Variants in R3HDM2 observed in about 807,000 individuals in gnomAD.
R3HDM2 encodes R3H domain containing 2, also known as R3H domain-containing protein 2.
Under a neutral mutation model 124.5 loss-of-function variants are expected in R3HDM2, and 38 were observed. The ratio of observed to expected loss-of-function variants is 0.31; its 90% CI spans 0.24 to 0.40. The LOEUF (loss-of-function observed/expected upper bound fraction) is 0.40. Ranked by LOEUF, R3HDM2 falls within the 10% of genes least tolerant of loss-of-function variation. R3HDM2 has a pLI of 1.00. For synonymous variants in R3HDM2, 391 were observed against 448.0 expected (o/e 0.87, Z 1.61); for missense variants, 869 against 1,236.9 (o/e 0.70, Z 4.46).
intron 2 of R3HDM2, among the ~76,000 whole-genome samples, chr12:57,388,649 C>T (rs1218506018): frequency 6.6e-6 from 1 of 152,078 alleles, no homozygotes; most frequent in African/African-American, 2.4e-5. Context: ...GAGTTATTTG[C>T]GCAGGAGGGC....
At chr12:57,423,560 C>T (rs1312205194) in intron 1 of R3HDM2, among the ~76,000 whole-genome samples, 22 of 151,922 alleles carry the variant, frequency 1.4e-4, no homozygotes, top group Admixed American at 1.4e-3. Flanking sequence ...TGCCTCATGC[C>T]CAGCACTTTG....
At chr12:57,359,042 C>T (rs1046346271) in intron 2 of R3HDM2, among the ~76,000 whole-genome samples, 1 of 151,990 alleles carries the variant, frequency 6.6e-6, no homozygotes, top group Non-Finnish European at 1.5e-5. Flanking sequence ...CTCAGCCTCC[C>T]GAGTAGCTGG....
intron 13 of R3HDM2, among the ~76,000 whole-genome samples, chr12:57,281,566 A>C (rs2046145976): frequency 6.6e-6 from 1 of 151,316 alleles, no homozygotes; most frequent in Non-Finnish European, 1.5e-5. Flanking sequence ...GCTCACTGCA[A>C]CCTCCACCTC....
intron 12 of R3HDM2, among the ~76,000 whole-genome samples, chr12:57,286,736 G>A (rs2047429800): frequency 6.6e-6 from 1 of 152,162 alleles, no homozygotes; most frequent in Non-Finnish European, 1.5e-5. Context: ...AAATTAGCCA[G>A]GTGTGGTGGT....
intron 10 of R3HDM2, among the ~76,000 whole-genome samples, chr12:57,293,087 A>C (rs932891847): frequency 6.6e-6 from 1 of 152,184 alleles, no homozygotes; most frequent in Non-Finnish European, 1.5e-5. Flanking sequence ...AGCAGAGCTG[A>C]ACAGTAGAGG....
At chr12:57,388,068 G>A (rs1439350061) in intron 2 of R3HDM2, among the ~76,000 whole-genome samples, 3 of 152,102 alleles carry the variant, frequency 2.0e-5, no homozygotes, top group South Asian at 4.1e-4. Context: ...AGGTTCAAGC[G>A]ATTCTCTTGC....
intron 1 of R3HDM2, among the ~76,000 whole-genome samples, chr12:57,396,188 C>A (rs892696505): frequency 1.3e-5 from 2 of 152,106 alleles, no homozygotes; most frequent in Non-Finnish European, 2.9e-5. Context: ...GCCTGTAATC[C>A]CAGCACTTTG....
At chr12:57,428,406 C>T (rs1161294260) in intron 1 of R3HDM2, among the ~76,000 whole-genome samples, 1 of 150,842 alleles carries the variant, frequency 6.6e-6, no homozygotes, top group Non-Finnish European at 1.5e-5. Context: ...CCGAGGTGGG[C>T]AGATCACGAG....
At chr12:57,269,269 C>A in intron 16 of R3HDM2, 54 bp downstream of exon 16, 1 of 1,600,758 alleles carries the variant, frequency 6.2e-7, no homozygotes, top group African/African-American at 1.3e-5. Context: ...TTCTTTCTTT[C>A]CTGGTGTGCC....
At chr12:57,374,823 C>A (rs1472197687) in intron 2 of R3HDM2, among the ~76,000 whole-genome samples, 2 of 149,940 alleles carry the variant, frequency 1.3e-5, no homozygotes, top group African/African-American at 4.9e-5. Flanking sequence ...GAAACCCCGT[C>A]TCTACTAAAA....
At chr12:57,429,725 A>G (rs1000506741) in intron 1 of R3HDM2, among the ~76,000 whole-genome samples, 3 of 130,008 alleles carry the variant, frequency 2.3e-5, no homozygotes, top group African/African-American at 5.8e-5. Context: ...AAAACAAAAT[A>G]CAACCTTTTG....
intron 11 of R3HDM2, among the ~76,000 whole-genome samples, chr12:57,290,416 T>C (rs1487909400): frequency 6.6e-6 from 1 of 152,214 alleles, no homozygotes; most frequent in African/African-American, 2.4e-5. Flanking sequence ...ATTCAAATAC[T>C]TAGCTCTTTT....
At chr12:57,277,414 G>A (rs2045090924) in intron 14 of R3HDM2, among the ~76,000 whole-genome samples, 1 of 151,814 alleles carries the variant, frequency 6.6e-6, no homozygotes, top group Non-Finnish European at 1.5e-5. Flanking sequence ...GTGTGACAGA[G>A]TTAAAGGTAA....
intron 14 of R3HDM2, among the ~76,000 whole-genome samples, chr12:57,276,293 A>G (rs1419463281): frequency 6.6e-6 from 1 of 152,166 alleles, no homozygotes; most frequent in African/African-American, 2.4e-5. Flanking sequence ...CAGAGGAAAA[A>G]AAGTCATTAT....
intron 2 of R3HDM2, among the ~76,000 whole-genome samples, chr12:57,317,879 C>G (rs1370739074): frequency 1.3e-5 from 2 of 150,586 alleles, no homozygotes; most frequent in African/African-American, 4.9e-5. Context: ...ACTCAGGAGG[C>G]TGAGGCAGGA....
chr12:57,270,170 G>A (rs1292486862), intron 14 of R3HDM2, among the ~76,000 whole-genome samples, 176 bp from the exon 15 acceptor site: 1 of 152,152 alleles, frequency 6.6e-6, no homozygotes, highest in Non-Finnish European at 1.5e-5. Flanking sequence ...CAACTCCAGA[G>A]CCAGTCTCTC....
At chr12:57,335,490 AC>A (rs2058738584) in intron 2 of R3HDM2, among the ~76,000 whole-genome samples, 3 of 84,102 alleles carry the variant, frequency 3.6e-5, no homozygotes, top group African/African-American at 4.9e-5. Flanking sequence ...ACGCCCGGCC[AC>A]CTTTTTTTTT....
intron 2 of R3HDM2, among the ~76,000 whole-genome samples, chr12:57,352,259 A>C (rs917593336): frequency 1.3e-5 from 2 of 151,662 alleles, no homozygotes; most frequent in Admixed American, 6.6e-5. Flanking sequence ...AAAAAAAAAA[A>C]AAACAAATCT....
intron 1 of R3HDM2, among the ~76,000 whole-genome samples, chr12:57,429,443 T>C (rs1869043397): frequency 6.6e-6 from 1 of 152,092 alleles, no homozygotes; most frequent in Non-Finnish European, 1.5e-5. Context: ...TTTAAACTTT[T>C]TGTCTTTCCC....
Sources: gnomAD v4.1 joint callset for allele counts (sites outside exome capture counted in the v4.1 genomes callset) on GRCh38, gnomAD v4.1.1 for gene constraint, MANE v1.5 for transcripts, NCBI Gene and HGNC (gene_info 2026-07-23, HGNC 2026-07-21) for gene names.